PRRC2C: variants seen among roughly 807,000 people sequenced by gnomAD.
The protein encoded by PRRC2C is protein PRRC2C.
Under a neutral mutation model 317.2 loss-of-function variants are expected in PRRC2C, and 72 were observed. The observed-to-expected ratio is 0.23, with a 90% CI of 0.19 to 0.28. The LOEUF is 0.28. Ranked by LOEUF, PRRC2C falls within the 10% of genes least tolerant of loss-of-function variation. PRRC2C has a pLI of 1.00. For missense variants in PRRC2C, 3,074 were observed against 3,459.7 expected (o/e 0.89, Z 2.80); for synonymous variants, 1,296 against 1,205.9 (o/e 1.07, Z -1.55).
chr1:171,578,601 C>T (rs1409701658), intron 26 of PRRC2C, among the ~76,000 whole-genome samples: 6 of 152,188 alleles, frequency 3.9e-5, no homozygotes, highest in African/African-American at 1.4e-4. Flanking sequence ...GGCACCGTGG[C>T]TCACGCCTGT....
chr1:171,592,276 G>A lies in PRRC2C; in HGVS notation c.*429G>A, dbSNP rs1651592304. 6.4e-6 allele frequency: 1 copy of A among 156,974 alleles called. No homozygotes were observed. Among genetic ancestry groups the A allele is most frequent in the Non-Finnish European group, 1.4e-5 (1 of 71,282 alleles). The allele number at this position is 156,974 out of a possible 1,614,324, so 9.7% of individuals were successfully genotyped here. A position where few individuals can be genotyped will look rare whatever the true frequency, so the allele number is the denominator to read the frequency against. On this transcript the variant is annotated 3_prime_UTR_variant, in exon 35 of 35. Transcript: ENST00000647382. The stretch of plus-strand genomic sequence containing the variant: ...AGATGCGGTTTTTTTGCTCCCTTAT[G>A]TTCTTCGGATATGGTTATGGCATTT...
At chr1:171,526,462 C>T (rs772899459) in intron 10 of PRRC2C, among the ~76,000 whole-genome samples, 1 of 152,126 alleles carries the variant, frequency 6.6e-6, no homozygotes, top group Non-Finnish European at 1.5e-5. Context: ...CTCAGCCTCC[C>T]AACTAGCTGG....
At chr1:171,508,735 C>T (rs1007173704) in intron 1 of PRRC2C, among the ~76,000 whole-genome samples, 6 of 152,116 alleles carry the variant, frequency 3.9e-5, no homozygotes, top group Middle Eastern at 3.2e-3. Context: ...CATTTTAATA[C>T]GCTTGCTTAC....
At chr1:171,504,691 G>C (rs1320688785) in intron 1 of PRRC2C, among the ~76,000 whole-genome samples, 1 of 151,998 alleles carries the variant, frequency 6.6e-6, no homozygotes, top group Middle Eastern at 3.2e-3. Context: ...AAAGCAAGTA[G>C]TATTCACCTT....
intron 15 of PRRC2C, among the ~76,000 whole-genome samples, chr1:171,538,204 G>A (rs139259526): frequency 6.6e-6 from 1 of 152,218 alleles, no homozygotes; most frequent in East Asian, 1.9e-4. Context: ...TTGAACTCTT[G>A]GGCTCAAGCA....
chr1:171,547,303 A>G (rs1679295347), intron 17 of PRRC2C, among the ~76,000 whole-genome samples: 1 of 152,192 alleles, frequency 6.6e-6, no homozygotes, highest in Non-Finnish European at 1.5e-5. Flanking sequence ...GACATTGGAA[A>G]CTAAAAAGTA....
At chr1:171,508,399 A>G (rs1670658199) in intron 1 of PRRC2C, among the ~76,000 whole-genome samples, 1 of 152,152 alleles carries the variant, frequency 6.6e-6, no homozygotes, top group Admixed American at 6.5e-5. Context: ...TGAGATGATC[A>G]TTTGGTTTTT....
intron 14 of PRRC2C, among the ~76,000 whole-genome samples, chr1:171,536,935 A>G (rs1424364635): frequency 1.3e-5 from 2 of 152,202 alleles, no homozygotes; most frequent in Non-Finnish European, 1.5e-5. Flanking sequence ...TGATGTTTGT[A>G]TTGACATCCA....
chr1:171,499,389 C>CTAAAGA (rs1367395728), intron 1 of PRRC2C, among the ~76,000 whole-genome samples: 5 of 152,166 alleles, frequency 3.3e-5, no homozygotes, highest in African/African-American at 1.2e-4. Context: ...AACTGTGTAT[C>CTAAAGA]TAAAGATTGT....
At chr1:171,590,793 C>T (rs1309154848) in intron 34 of PRRC2C, among the ~76,000 whole-genome samples, 1 of 152,156 alleles carries the variant, frequency 6.6e-6, no homozygotes, top group East Asian at 1.9e-4. Flanking sequence ...CAGTTCTACT[C>T]CTGGCTCCTT....
chr1:171,511,292 A>G (rs900795602), intron 1 of PRRC2C: 2 of 152,172 alleles, frequency 1.3e-5, no homozygotes, highest in African/African-American at 4.8e-5. Context: ...TTTTTTGCCT[A>G]TCTATTAATA....
At chr1:171,542,275 A>T in intron 16 of PRRC2C, 46 bp downstream of exon 16, 3 of 1,408,962 alleles carry the variant, frequency 2.1e-6, no homozygotes, top group Non-Finnish European at 2.8e-6. Context: ...CCTTTAAAGA[A>T]GCTAAAAGTA....
chr1:171,533,627 G>A (rs1676269920), intron 12 of PRRC2C, among the ~76,000 whole-genome samples: 1 of 151,976 alleles, frequency 6.6e-6, no homozygotes, highest in Non-Finnish European at 1.5e-5. Flanking sequence ...TGGTGGTGGT[G>A]GTTGTTGTTG....
At chr1:171,591,368 C>A (rs1651382144) in intron 34 of PRRC2C, 3 of 573,056 alleles carry the variant, frequency 5.2e-6, no homozygotes, top group South Asian at 4.0e-5. Context: ...GGAGGTGGTC[C>A]TGTGGTTTTT....
chr1:171,577,866 C>G (rs977273452), intron 26 of PRRC2C, among the ~76,000 whole-genome samples: 2 of 150,084 alleles, frequency 1.3e-5, no homozygotes, highest in Non-Finnish European at 3.0e-5. Context: ...CCACCTCCAC[C>G]TCCCAGGTTC....
chr1:171,519,411 T>C (rs936738633), intron 6 of PRRC2C, among the ~76,000 whole-genome samples: 4 of 152,220 alleles, frequency 2.6e-5, no homozygotes, highest in Non-Finnish European at 4.4e-5. Context: ...TCATATTTCT[T>C]TTAAGAATCT....
Position 171,542,111 on chromosome 1 carries a change from A to G in PRRC2C, c.4645A>G (p.Arg1549Gly). ...EIAKRSFSSQ[R>G]PVDRQNRRGN... ...TGCAAAGAGAAGTTTTTCTAGTCAG[A>G]GACCAGTAGATCGTCAGAATCGACG... Residue 1549 changes from arginine to glycine, a missense_variant, in exon 16 of 35, where the codon AGA becomes GGA. Physicochemically the swap from Arg to Gly is moderately radical, Grantham distance 125. Around this residue, in one of 11 missense-constraint regions of PRRC2C, gnomAD observed 178 missense variants for 163.0 expected, o/e 1.09. Coordinates refer to ENST00000647382, the MANE Select transcript of PRRC2C (RefSeq NM_001387844.1). 1 of 1,613,894 alleles carries G rather than the reference A, an allele frequency of 6.2e-7. No individual in the cohort carries two copies. Among genetic ancestry groups the G allele is most frequent in the Non-Finnish European group, 8.5e-7 (1 of 1,179,830 alleles).
chr1:171,531,598 T>C (rs1675899175), intron 11 of PRRC2C, among the ~76,000 whole-genome samples: 2 of 152,242 alleles, frequency 1.3e-5, no homozygotes, highest in Admixed American at 1.3e-4. Context: ...AAAATCAATA[T>C]GTTAAAAACA....
chr1:171,538,109 C>G (rs937542305), intron 15 of PRRC2C, among the ~76,000 whole-genome samples: 3 of 152,012 alleles, frequency 2.0e-5, no homozygotes, highest in African/African-American at 7.2e-5. Context: ...ACCGTGTTAG[C>G]CAGGATGGTC....
Sources: gnomAD v4.1 joint callset for allele counts (sites outside exome capture counted in the v4.1 genomes callset) on GRCh38, gnomAD v4.1.1 for gene constraint, gnomAD v4.1.1 regional missense constraint, MANE v1.5 for transcripts, NCBI Gene and HGNC (gene_info 2026-07-23, HGNC 2026-07-21) for gene names.